The following NTRK3 variants were observed in gnomAD, a reference collection of about 807,000 sequenced individuals.
NTRK3 encodes the protein NT-3 growth factor receptor.
In NTRK3, 24 loss-of-function variants were observed where a neutral mutation model predicts 91.7. The observed-to-expected ratio is 0.26, with a 90% CI of 0.19 to 0.37. The LOEUF is 0.37. Among genes scored for constraint, NTRK3 ranks in the 10% least tolerant of loss-of-function variants. NTRK3 has a pLI of 1.00. For missense variants in NTRK3, 880 were observed against 1,068.9 expected (o/e 0.82, Z 2.46); for synonymous variants, 483 against 404.0 (o/e 1.20, Z -2.34).
chr15:88,017,795 C>A (rs1567233770), intron 14 of NTRK3, among the ~76,000 whole-genome samples: 1 of 152,180 alleles, frequency 6.6e-6, no homozygotes. Context: ...AGTAACAAAT[C>A]CCCACAAATC....
chr15:87,955,014 A>G (rs1023141804), intron 14 of NTRK3, among the ~76,000 whole-genome samples: 4 of 152,222 alleles, frequency 2.6e-5, no homozygotes, highest in Admixed American at 6.5e-5. Context: ...ATGTGACACC[A>G]GACATCTTAC....
At chr15:88,040,349 T>C (rs1293541688) in intron 13 of NTRK3, among the ~76,000 whole-genome samples, 2 of 152,176 alleles carry the variant, frequency 1.3e-5, no homozygotes, top group Non-Finnish European at 2.9e-5. Context: ...CAAGTCACCA[T>C]GAGGACCTGT....
intron 13 of NTRK3, among the ~76,000 whole-genome samples, chr15:88,056,438 A>T (rs2045702385): frequency 6.6e-6 from 1 of 152,090 alleles, no homozygotes; most frequent in Non-Finnish European, 1.5e-5. Context: ...TACAGTAAAT[A>T]TTCTACCTAT....
chr15:87,918,457 T>C (rs1038137570), intron 17 of NTRK3, among the ~76,000 whole-genome samples: 8 of 152,212 alleles, frequency 5.3e-5, no homozygotes, highest in Non-Finnish European at 8.8e-5. Flanking sequence ...TTCTTCTGGT[T>C]TCCTTACCTC....
intron 14 of NTRK3, among the ~76,000 whole-genome samples, chr15:87,958,115 G>A (rs1218012477): frequency 1.3e-5 from 2 of 152,108 alleles, no homozygotes; most frequent in Admixed American, 6.5e-5. Flanking sequence ...AGCAAAAGCC[G>A]CTCCACACAC....
chr15:88,164,497 T>A (rs1310151367), intron 5 of NTRK3, among the ~76,000 whole-genome samples: 2 of 152,244 alleles, frequency 1.3e-5, no homozygotes, highest in Non-Finnish European at 2.9e-5. Context: ...CATCTTATTC[T>A]GTGTCTGCAG....
At chr15:87,971,472 A>C (rs1416574896) in intron 14 of NTRK3, among the ~76,000 whole-genome samples, 1 of 152,178 alleles carries the variant, frequency 6.6e-6, no homozygotes, top group Non-Finnish European at 1.5e-5. Flanking sequence ...CTGACAGAAT[A>C]TAATTAATAG....
chr15:88,149,598 T>TC (rs2043189989), intron 5 of NTRK3, among the ~76,000 whole-genome samples: 1 of 152,042 alleles, frequency 6.6e-6, no homozygotes, highest in Non-Finnish European at 1.5e-5. Context: ...CTTCCACTGT[T>TC]CCCCCACCGA....
At chr15:87,985,140 G>C (rs1479040579) in intron 14 of NTRK3, among the ~76,000 whole-genome samples, 2 of 152,142 alleles carry the variant, frequency 1.3e-5, no homozygotes, top group Non-Finnish European at 2.9e-5. Flanking sequence ...ATCTCAGAAG[G>C]GGGAGACAGC....
At chr15:88,088,021 AG>A (rs2048667604) in intron 13 of NTRK3, among the ~76,000 whole-genome samples, 1 of 152,244 alleles carries the variant, frequency 6.6e-6, no homozygotes, top group Non-Finnish European at 1.5e-5. Flanking sequence ...ACTCCACTCC[AG>A]CCTGGGAAAC....
chr15:87,989,024 G>A (rs1012105520), intron 14 of NTRK3, among the ~76,000 whole-genome samples: 4 of 152,042 alleles, frequency 2.6e-5, no homozygotes, highest in African/African-American at 9.7e-5. Context: ...TCCAACAGTG[G>A]AGAAATAGGA....
At chr15:88,061,970 C>T (rs920022795) in intron 13 of NTRK3, among the ~76,000 whole-genome samples, 2 of 151,840 alleles carry the variant, frequency 1.3e-5, no homozygotes, top group South Asian at 2.1e-4. Context: ...TTCAGCCAAC[C>T]GCAGATCAAA....
intron 13 of NTRK3, among the ~76,000 whole-genome samples, chr15:88,100,036 G>C (rs148651248): frequency 6.6e-6 from 1 of 152,186 alleles, no homozygotes; most frequent in Non-Finnish European, 1.5e-5. Context: ...GATTGTTTAA[G>C]CTTGTTTAAT....
intron 17 of NTRK3, among the ~76,000 whole-genome samples, chr15:87,905,790 G>A (rs1252784921): frequency 2.0e-5 from 3 of 152,108 alleles, no homozygotes; most frequent in Non-Finnish European, 4.4e-5. Flanking sequence ...TGAGCCCCAG[G>A]AACACTGACT....
chr15:87,947,214 C>T (rs887751743), intron 14 of NTRK3, among the ~76,000 whole-genome samples: 7 of 152,034 alleles, frequency 4.6e-5, no homozygotes, highest in Admixed American at 6.6e-5. Flanking sequence ...TTGCTGTCCC[C>T]GTGCTACAGA....
intron 18 of NTRK3, 27 bp downstream of exon 19, chr15:87,880,243 C>T (rs2141465173): frequency 6.2e-7 from 1 of 1,613,906 alleles, no homozygotes; most frequent in Non-Finnish European, 8.5e-7. Flanking sequence ...CTCCCCCAAT[C>T]AAGATTCCTA....
chr15:88,065,441 T>A (rs1184804661), intron 13 of NTRK3, among the ~76,000 whole-genome samples: 1 of 152,200 alleles, frequency 6.6e-6, no homozygotes, highest in East Asian at 1.9e-4. Flanking sequence ...GAGGCTCTGC[T>A]TGGTGACCAG....
chr15:88,135,193 T>C, exon 10 of NTRK3: 1 of 1,614,248 alleles, frequency 6.2e-7, no homozygotes, highest in Non-Finnish European at 8.5e-7. Context: ...GCCATTGTTG[T>C]AGTGGGTGGG....
chr15:88,179,148 A>C (rs2046250589), intron 5 of NTRK3, among the ~76,000 whole-genome samples: 1 of 152,230 alleles, frequency 6.6e-6, no homozygotes, highest in Non-Finnish European at 1.5e-5. Flanking sequence ...CAAATGCACC[A>C]GGCACAGTTC....
Sources: allele counts gnomAD v4.1 joint callset (sites outside exome capture counted in the v4.1 genomes callset), GRCh38; gene constraint gnomAD v4.1.1; transcripts MANE v1.5; gene names NCBI Gene and HGNC (gene_info 2026-07-23, HGNC 2026-07-21).